Variants in RBMS3 observed in about 807,000 individuals in gnomAD.
The protein encoded by RBMS3 is RNA-binding motif, single-stranded-interacting protein 3.
In RBMS3, 27 loss-of-function variants were observed where a neutral mutation model predicts 66.8. The ratio of observed to expected loss-of-function variants is 0.40; its 90% CI spans 0.30 to 0.56. RBMS3 has a LOEUF of 0.56. Among genes scored for constraint, RBMS3 ranks in the 20% least tolerant of loss-of-function variants. The pLI, the probability that RBMS3 is intolerant of heterozygous loss-of-function variation, is 0.40. For missense variants in RBMS3, 513 were observed against 549.5 expected (o/e 0.93, Z 0.66); for synonymous variants, 188 against 183.0 (o/e 1.03, Z -0.22).
Position 29,628,747 on chromosome 3 carries a change from C to A in RBMS3, c.399+41542C>A, listed in dbSNP as rs1576394798. Among the ~76,000 whole-genome samples the A allele has an allele frequency of 2.0e-5, 3 of 152,068 alleles. No homozygotes were observed. The East Asian group carries it at 5.8e-4, about 29-fold the overall frequency. On this transcript the variant is annotated intron_variant, in intron 4 of 14. Transcript: ENST00000383767. ...ACTGTTTCATAACTTAAGATATTTT[C>A]ATATAGTTCCTTTAGATTTATTTAG...
chr3:29,953,409 G>A (rs539659054), intron 12 of RBMS3, among the ~76,000 whole-genome samples: 63 of 151,956 alleles, frequency 4.1e-4, no homozygotes, highest in African/African-American at 1.0e-3. Context: ...GATAATCTTC[G>A]AAAATTGTTT....
chr3:29,605,292 G>T (rs988247147), intron 4 of RBMS3, among the ~76,000 whole-genome samples: 7 of 151,738 alleles, frequency 4.6e-5, no homozygotes, highest in African/African-American at 7.3e-5. Flanking sequence ...CTAGTAAAAA[G>T]GTCAATGCAC....
At chr3:29,958,120 A>G (rs1696168147) in intron 12 of RBMS3, among the ~76,000 whole-genome samples, 1 of 152,170 alleles carries the variant, frequency 6.6e-6, no homozygotes. Flanking sequence ...ATTTTCAGCC[A>G]TGAACAAACA....
At chr3:29,386,085 C>T (rs2038997171) in intron 1 of RBMS3, among the ~76,000 whole-genome samples, 1 of 152,140 alleles carries the variant, frequency 6.6e-6, no homozygotes, top group Admixed American at 6.5e-5. Context: ...CCTCTCTCTT[C>T]TTTCTTTAAA....
chr3:29,431,516 C>G (rs1359918281), intron 1 of RBMS3, among the ~76,000 whole-genome samples: 2 of 151,874 alleles, frequency 1.3e-5, no homozygotes, highest in East Asian at 3.9e-4. Context: ...TGGTCTTGAT[C>G]TCCCGACCTT....
In RBMS3 at chr3:29,720,799, C is replaced by T. The variant is rs907374648; in HGVS notation, c.400-18921C>T. Among the ~76,000 whole-genome samples, 20 of 151,540 alleles carry T rather than the reference C, an allele frequency of 1.3e-4. No homozygotes were observed. In the South Asian group the frequency reaches 2.5e-3, roughly 19 times the overall value. Reference sequence around the variant, plus strand: ...TGAGATCATCTGGAGGATCGGTCAACGACACTGTCTGTGTCTGTATTTATA... The same window carrying T: ...TGAGATCATCTGGAGGATCGGTCAATGACACTGTCTGTGTCTGTATTTATA... On this transcript the variant is annotated intron_variant, in intron 4 of 14. Coordinates refer to ENST00000383767, the MANE Select transcript of RBMS3 (RefSeq NM_001003793.3).
At chr3:29,321,276 T>C (rs1017789093) in intron 1 of RBMS3, among the ~76,000 whole-genome samples, 4 of 152,124 alleles carry the variant, frequency 2.6e-5, no homozygotes, top group East Asian at 1.9e-4. Context: ...AAAAAACTAA[T>C]CATTTTGACA....
At chr3:29,610,299 A>G (rs1312564482) in intron 4 of RBMS3, among the ~76,000 whole-genome samples, 1 of 152,058 alleles carries the variant, frequency 6.6e-6, no homozygotes, top group African/African-American at 2.4e-5. Flanking sequence ...TACCTACAAG[A>G]AATAAATTTT....
chr3:29,431,680 T>C (rs1329076205), intron 1 of RBMS3, among the ~76,000 whole-genome samples: 1 of 152,194 alleles, frequency 6.6e-6, no homozygotes, highest in Non-Finnish European at 1.5e-5. Context: ...TCTCAACTGT[T>C]GGTCAATGTG....
intron 3 of RBMS3, among the ~76,000 whole-genome samples, chr3:29,498,081 G>A (rs891943648): frequency 5.5e-5 from 7 of 127,044 alleles, no homozygotes; most frequent in Admixed American, 3.0e-4. Flanking sequence ...CGCAACCTCC[G>A]CCTCCCGGGT....
At chr3:29,644,937 G>A (rs571197454) in intron 4 of RBMS3, among the ~76,000 whole-genome samples, 1 of 152,120 alleles carries the variant, frequency 6.6e-6, no homozygotes, top group South Asian at 2.1e-4. Flanking sequence ...CAACATATAT[G>A]AGAAATTAAT....
intron 4 of RBMS3, among the ~76,000 whole-genome samples, chr3:29,592,114 A>AT (rs67575184): frequency 0.15 from 22,520 of 151,926 alleles, 1,917 homozygotes; most frequent in East Asian, 0.32. Context: ...AAACCAGTGG[A>AT]TTTTTTACTT....
intron 1 of RBMS3, among the ~76,000 whole-genome samples, chr3:29,408,480 A>G (rs1019000350): frequency 6.6e-6 from 1 of 152,050 alleles, no homozygotes. Context: ...AGGAAAAAAA[A>G]TCTCTAAGGG....
chr3:29,737,063 G>A (rs966608970), intron 4 of RBMS3, among the ~76,000 whole-genome samples: 2 of 151,918 alleles, frequency 1.3e-5, no homozygotes, highest in Non-Finnish European at 2.9e-5. Flanking sequence ...TGCAAGCTCC[G>A]CCTCCCGGGT....
At chr3:29,769,640 T>C (rs1206776199) in intron 6 of RBMS3, among the ~76,000 whole-genome samples, 2 of 151,964 alleles carry the variant, frequency 1.3e-5, no homozygotes, top group Admixed American at 6.6e-5. Flanking sequence ...TTATCTGATT[T>C]TGAATTTTCC....
chr3:29,673,521 A>T (rs115442632), intron 4 of RBMS3, among the ~76,000 whole-genome samples: 5,349 of 151,920 alleles, frequency 0.035, 309 homozygotes, highest in African/African-American at 0.12. Context: ...ACTAGTAAAG[A>T]AGAAAAGGGA....
intron 4 of RBMS3, among the ~76,000 whole-genome samples, chr3:29,609,152 T>G (rs1356879456): frequency 6.6e-6 from 1 of 152,048 alleles, no homozygotes; most frequent in Non-Finnish European, 1.5e-5. Context: ...AACTCATCTA[T>G]CAAATGAATA....
chr3:29,295,332 C>T (rs1190127082), intron 1 of RBMS3, among the ~76,000 whole-genome samples: 1 of 139,636 alleles, frequency 7.2e-6, no homozygotes, highest in East Asian at 2.0e-4. Context: ...TATATACACA[C>T]ACATATATAT....
intron 7 of RBMS3, chr3:29,880,645 G>A (rs1309625796): frequency 5.4e-6 from 4 of 739,726 alleles, no homozygotes; most frequent in Non-Finnish European, 9.2e-6. Context: ...CCAAGTGTTA[G>A]TTATTGTGCT....
Sources: allele counts gnomAD v4.1 joint callset (sites outside exome capture counted in the v4.1 genomes callset), GRCh38; gene constraint gnomAD v4.1.1; transcripts MANE v1.5; gene names NCBI Gene and HGNC (gene_info 2026-07-23, HGNC 2026-07-21).